CNOT10: variants seen among roughly 807,000 people sequenced by gnomAD.
The protein encoded by CNOT10 is CCR4-NOT transcription complex, subunit 10.
CNOT10 carries 30 observed loss-of-function variants against 94.6 expected under a neutral mutation model. The observed-to-expected ratio is 0.32, with a 90% confidence interval of 0.24 to 0.43. The LOEUF (loss-of-function observed/expected upper bound fraction) is 0.43. Ranked by LOEUF, CNOT10 falls within the 20% of genes least tolerant of loss-of-function variation. CNOT10 has a pLI of 1.00. For missense variants in CNOT10, 759 were observed against 877.2 expected (o/e 0.87, Z 1.70); for synonymous variants, 289 against 301.6 (o/e 0.96, Z 0.43).
At chr3:32,724,095 T>C (rs1330359046) in intron 8 of CNOT10, among the ~76,000 whole-genome samples, 2 of 151,774 alleles carry the variant, frequency 1.3e-5, no homozygotes, top group Admixed American at 1.3e-4. Flanking sequence ...AAGAAAAAAA[T>C]TAATACGGGT....
chr3:32,713,824 A>AT (rs149103488), intron 5 of CNOT10, among the ~76,000 whole-genome samples: 2,970 of 152,204 alleles, frequency 0.02, 46 homozygotes, highest in East Asian at 0.047. Context: ...GCATATACTT[A>AT]TTTTTGTTTC....
Position 32,695,611 on chromosome 3 carries a change from A to G in CNOT10, c.23-8257A>G, listed in dbSNP as rs963363005. 4.2e-5 allele frequency: 65 copies of G among 1,535,250 alleles called. 1 individual carries two copies. The African/African-American group carries it at 6.8e-4, about 16-fold the overall frequency. On this transcript the variant is annotated intron_variant, in intron 1 of 18. Transcript: ENST00000328834. ...TCTGCTTAGTTCAAACCTAAAGGCAATTGTTTATTTAGAAATGAAGTCTAT... is the reference window on the plus strand; with the variant it reads ...TCTGCTTAGTTCAAACCTAAAGGCAGTTGTTTATTTAGAAATGAAGTCTAT...
Position 32,716,303 on chromosome 3 carries a change from A to G in CNOT10, c.652A>G (p.Ile218Val). 6.4e-7 allele frequency: 1 copy of G among 1,566,940 alleles called. No individual in the cohort carries two copies. The highest frequency in any genetic ancestry group is 8.8e-7 in the Non-Finnish European group (1 of 1,142,752). Residue 218 changes from isoleucine to valine, a missense_variant, in exon 6 of 19, where the codon ATA becomes GTA. Physicochemically the swap from Ile to Val is conservative, Grantham distance 29. Around this residue, in one of 3 missense-constraint regions of CNOT10, gnomAD observed 682 missense variants for 799.4 expected, o/e 0.85. Transcript: ENST00000328834. ...GALIEAAKSKIHQYKVRAYIQ... is the reference protein window; with the variant it reads ...GALIEAAKSKVHQYKVRAYIQ... ...TCTAATAGAAGCTGCAAAATCAAAGATACATCAGGTAGTATAAATTTTAAA... is the reference window on the plus strand; with the variant it reads ...TCTAATAGAAGCTGCAAAATCAAAGGTACATCAGGTAGTATAAATTTTAAA...
chr3:32,771,771 A>G (rs1038474562), intron 18 of CNOT10, among the ~76,000 whole-genome samples: 1 of 152,220 alleles, frequency 6.6e-6, no homozygotes, highest in Non-Finnish European at 1.5e-5. Context: ...ACACTTAATT[A>G]TAATTAATCA....
chr3:32,721,429 C>CA (rs1447587505), intron 8 of CNOT10, among the ~76,000 whole-genome samples: 1 of 72,608 alleles, frequency 1.4e-5, no homozygotes, highest in Non-Finnish European at 2.4e-5. Context: ...TTTCTTTCAT[C>CA]TTTTTTTTTT....
At chr3:32,769,643 G>A in intron 17 of CNOT10, 1 of 430,258 alleles carries the variant, frequency 2.3e-6, no homozygotes. Flanking sequence ...TTGGATGGTT[G>A]ACTGTAGTAT....
At chr3:32,698,230 C>T (rs1374681393) in intron 1 of CNOT10, among the ~76,000 whole-genome samples, 1 of 152,200 alleles carries the variant, frequency 6.6e-6, no homozygotes, top group African/African-American at 2.4e-5. Context: ...TTTCCTCCTC[C>T]CTGTCGTATG....
chr3:32,691,990 CAG>C (rs1475609104), intron 1 of CNOT10, among the ~76,000 whole-genome samples: 1 of 147,432 alleles, frequency 6.8e-6, no homozygotes, highest in African/African-American at 2.5e-5. Flanking sequence ...GCAGAGGTTG[CAG>C]TGAGCCAAGA....
chr3:32,690,153 A>G (rs750768660), intron 1 of CNOT10, among the ~76,000 whole-genome samples: 42 of 152,312 alleles, frequency 2.8e-4, no homozygotes, highest in Non-Finnish European at 5.0e-4. Flanking sequence ...TCTGATTTAT[A>G]TTTAACTGAT....
At chr3:32,707,363 T>TA (rs1697669366) in intron 3 of CNOT10, among the ~76,000 whole-genome samples, 1 of 152,148 alleles carries the variant, frequency 6.6e-6, no homozygotes, top group African/African-American at 2.4e-5. Context: ...TGTGCAATAA[T>TA]ATATTTTTAT....
rs529127596 is a variant in CNOT10 at position 32,690,111 on chromosome 3, T to A, written c.22+4629T>A. ...TTCATTTTAACTAATGGGAAGAGAG[T>A]GGAAGTTTTCAATAAGGGCATGATG... On this transcript the variant is annotated intron_variant, in intron 1 of 18. Coordinates refer to ENST00000328834, the MANE Select transcript of CNOT10 (RefSeq NM_015442.3). Among the ~76,000 whole-genome samples, 26 of 151,798 alleles carry A rather than the reference T, an allele frequency of 1.7e-4. No individual in the cohort carries two copies. The South Asian group carries it at 5.2e-3, about 30-fold the overall frequency.
chr3:32,739,340 G>A (rs1186837741), intron 13 of CNOT10, among the ~76,000 whole-genome samples: 3 of 151,888 alleles, frequency 2.0e-5, no homozygotes, highest in Admixed American at 1.3e-4. Context: ...TTTCTATTTC[G>A]TTTCTGCTCT....
At chr3:32,718,507 C>A (rs1417153458) in intron 7 of CNOT10, among the ~76,000 whole-genome samples, 1 of 145,926 alleles carries the variant, frequency 6.9e-6, no homozygotes, top group Non-Finnish European at 1.5e-5. Context: ...TGGTGTGAAC[C>A]CGGGAGGCGG....
rs1379179647 is a variant in CNOT10 at position 32,708,759 on chromosome 3, G to C, written c.369G>C (p.Leu123=). The change falls in exon 4 of 19, where the codon CTG becomes CTC. Residue 123 remains leucine, a synonymous_variant. Coordinates refer to ENST00000328834, the MANE Select transcript of CNOT10 (RefSeq NM_015442.3). ...YYNQAVILYH[L]RQYTEAISVG... ...ATCAAGCAGTCATTCTTTATCATCT[G>C]CGGCAGTATACAGAAGCCATATCAG... The C allele has an allele frequency of 6.2e-7, 1 of 1,613,378 alleles. No individual in the cohort carries two copies. The highest frequency in any genetic ancestry group is 8.5e-7 in the Non-Finnish European group (1 of 1,179,694).
At chr3:32,762,134 T>G (rs1700476038) in intron 14 of CNOT10, among the ~76,000 whole-genome samples, 1 of 147,240 alleles carries the variant, frequency 6.8e-6, no homozygotes, top group African/African-American at 2.5e-5. Flanking sequence ...AGAAAGTCAT[T>G]AAGATTTTGA....
rs192118310 is a variant in CNOT10 at position 32,753,186 on chromosome 3, A to T, written c.1596-6272A>T. ...GGAACATGTGAATACTATGAAAAAA[A>T]CTATGCTGCTGCCCTAGAAATTTTT... On this transcript the variant is annotated intron_variant, in intron 13 of 18. Transcript: ENST00000328834. The T allele has an allele frequency of 1.5e-5, 10 of 662,048 alleles. No homozygotes were observed. The African/African-American group carries it at 1.6e-4, about 11-fold the overall frequency. The allele number at this position is 662,048 out of a possible 1,614,324, so 41.0% of individuals were successfully genotyped here. A position where few individuals can be genotyped will look rare whatever the true frequency, so the allele number is the denominator to read the frequency against.
At chr3:32,686,307 G>A (rs1696599785) in intron 1 of CNOT10, among the ~76,000 whole-genome samples, 1 of 152,146 alleles carries the variant, frequency 6.6e-6, no homozygotes, top group Non-Finnish European at 1.5e-5. Context: ...TAAGTGACAG[G>A]ATTTAAAAGT....
chr3:32,762,953 G>T (rs1217115478), intron 15 of CNOT10, 90 bp downstream of exon 15: 1 of 1,371,060 alleles, frequency 7.3e-7, no homozygotes, highest in Non-Finnish European at 9.6e-7. Flanking sequence ...AGGCATGGTG[G>T]TAATGAGAAG....
intron 11 of CNOT10, among the ~76,000 whole-genome samples, chr3:32,734,329 A>G (rs1404893757): frequency 6.6e-6 from 1 of 152,212 alleles, no homozygotes; most frequent in African/African-American, 2.4e-5. Flanking sequence ...TAAAATGTCA[A>G]TGAAATTATA....
Sources: gnomAD v4.1 joint callset for allele counts (sites outside exome capture counted in the v4.1 genomes callset) on GRCh38, gnomAD v4.1.1 for gene constraint, gnomAD v4.1.1 regional missense constraint, MANE v1.5 for transcripts, NCBI Gene and HGNC (gene_info 2026-07-23, HGNC 2026-07-21) for gene names.